Variants in RORB observed in about 807,000 individuals in gnomAD.
RORB encodes nuclear receptor ROR-beta.
Under a neutral mutation model 59.1 loss-of-function variants are expected in RORB, and 6 were observed. That is an observed-to-expected ratio of 0.10 (90% CI 0.06 to 0.20). The LOEUF (loss-of-function observed/expected upper bound fraction) is 0.20. Among genes scored for constraint, RORB ranks in the 10% least tolerant of loss-of-function variants. RORB has a pLI of 1.00. For missense variants in RORB, 320 were observed against 560.5 expected (o/e 0.57, Z 4.33); for synonymous variants, 215 against 204.5 (o/e 1.05, Z -0.44).
At chr9:74,571,615 A>G (rs1185074018) in intron 1 of RORB, among the ~76,000 whole-genome samples, 1 of 152,140 alleles carries the variant, frequency 6.6e-6, no homozygotes, top group South Asian at 2.1e-4. Flanking sequence ...AGAGCACCTA[A>G]TATTACTCAA....
chr9:74,657,334 G>C (rs1824100907), intron 4 of RORB, among the ~76,000 whole-genome samples: 1 of 152,084 alleles, frequency 6.6e-6, no homozygotes, highest in South Asian at 2.1e-4. Flanking sequence ...CAAAGGGCTG[G>C]GATTACAGGC....
At chr9:74,586,570 T>C (rs573339146) in intron 1 of RORB, among the ~76,000 whole-genome samples, 96 of 150,676 alleles carry the variant, frequency 6.4e-4, no homozygotes, top group African/African-American at 2.3e-3. Flanking sequence ...AACAATAAAA[T>C]CGTATGCAAA....
intron 1 of RORB, among the ~76,000 whole-genome samples, chr9:74,550,347 G>A (rs920710408): frequency 1.3e-5 from 2 of 152,146 alleles, no homozygotes; most frequent in African/African-American, 4.8e-5. Context: ...CTAAATGACT[G>A]TAATAAGTGG....
chr9:74,599,123 AT>A (rs1823016457), intron 1 of RORB, among the ~76,000 whole-genome samples: 1 of 152,184 alleles, frequency 6.6e-6, no homozygotes, highest in South Asian at 2.1e-4. Flanking sequence ...TTCAGCAAGA[AT>A]TTTGGTGGTG....
rs920916300 is a variant in RORB, at chr9:74,636,479, T to C, written c.235+1707T>C. Among the ~76,000 whole-genome samples the C allele has an allele frequency of 1.2e-4, 19 of 152,112 alleles. 1 individual carries two copies. Among genetic ancestry groups the C allele is most frequent in the Admixed American group, 1.2e-3 (18 of 15,272 alleles). ...GATTTAGTGACATCAGCCCACAAAATTTAGACGGTCTGAATCCCGTAACAT... is the reference window on the plus strand; with the variant it reads ...GATTTAGTGACATCAGCCCACAAAACTTAGACGGTCTGAATCCCGTAACAT... On this transcript the variant is annotated intron_variant, in intron 3 of 9. Coordinates refer to ENST00000376896, the MANE Select transcript of RORB (RefSeq NM_006914.4).
chr9:74,500,717 C>T (rs1233408169), intron 1 of RORB, among the ~76,000 whole-genome samples: 3 of 152,130 alleles, frequency 2.0e-5, no homozygotes, highest in East Asian at 1.9e-4. Context: ...CTACTCCTCC[C>T]CCGCCTAGGG....
At chr9:74,573,465 A>C (rs1380411633) in intron 1 of RORB, among the ~76,000 whole-genome samples, 1 of 3,712 alleles carries the variant, frequency 2.7e-4, no homozygotes, top group East Asian at 0.12. Context: ...TTTTGTTATT[A>C]AAAAAAAAAA....
intron 1 of RORB, among the ~76,000 whole-genome samples, chr9:74,558,670 AG>A (rs1484520781): frequency 6.7e-6 from 1 of 150,352 alleles, no homozygotes; most frequent in African/African-American, 2.4e-5. Context: ...AAGAAGAATA[AG>A]GACAAAGTGC....
chr9:74,621,050 C>G (rs1823409394), intron 1 of RORB, among the ~76,000 whole-genome samples: 1 of 152,100 alleles, frequency 6.6e-6, no homozygotes, highest in African/African-American at 2.4e-5. Flanking sequence ...TCACCAACCC[C>G]CCAGACACAA....
chr9:74,539,554 C>T (rs963696000), intron 1 of RORB, among the ~76,000 whole-genome samples: 15 of 152,114 alleles, frequency 9.9e-5, no homozygotes, highest in African/African-American at 3.4e-4. Flanking sequence ...TTTTAAAGTA[C>T]TGGGCTACAG....
chr9:74,527,088 A>C (rs1267676183), intron 1 of RORB, among the ~76,000 whole-genome samples: 1 of 152,036 alleles, frequency 6.6e-6, no homozygotes, highest in African/African-American at 2.4e-5. Flanking sequence ...CAAAAGACTC[A>C]TGAGAATTTA....
chr9:74,664,107 C>G (rs1824231554), intron 6 of RORB, among the ~76,000 whole-genome samples: 1 of 152,160 alleles, frequency 6.6e-6, no homozygotes, highest in South Asian at 2.1e-4. Context: ...ATCTGCCACA[C>G]TTGATATGTG....
chr9:74,627,320 G>A (rs1823536608), intron 1 of RORB, among the ~76,000 whole-genome samples: 1 of 152,020 alleles, frequency 6.6e-6, no homozygotes, highest in Non-Finnish European at 1.5e-5. Context: ...AAGTTAAAAT[G>A]GTCACAGATT....
At chr9:74,527,863 C>T (rs1256412086) in intron 1 of RORB, among the ~76,000 whole-genome samples, 4 of 151,916 alleles carry the variant, frequency 2.6e-5, no homozygotes, top group Non-Finnish European at 2.9e-5. Flanking sequence ...TCACCAGCAG[C>T]GTGTTTATAG....
At chr9:74,630,217 G>A in intron 1 of RORB, 65 bp from the exon 2 acceptor site, 1 of 1,586,436 alleles carries the variant, frequency 6.3e-7, no homozygotes, top group Non-Finnish European at 8.6e-7. Flanking sequence ...TGGGGAGAGA[G>A]ATAGGAAGAG....
chr9:74,627,634 A>G (rs1425564551), intron 1 of RORB, among the ~76,000 whole-genome samples: 2 of 152,174 alleles, frequency 1.3e-5, no homozygotes, highest in African/African-American at 2.4e-5. Context: ...GAACTTATAG[A>G]AGCAGATTCT....
intron 1 of RORB, among the ~76,000 whole-genome samples, chr9:74,585,624 C>G (rs1394976781): frequency 6.6e-6 from 1 of 152,158 alleles, no homozygotes; most frequent in Non-Finnish European, 1.5e-5. Flanking sequence ...TTATGAAGAA[C>G]AGCCTCATTG....
At chr9:74,528,269 G>T (rs1011256425) in intron 1 of RORB, among the ~76,000 whole-genome samples, 2 of 152,000 alleles carry the variant, frequency 1.3e-5, no homozygotes, top group East Asian at 1.9e-4. Context: ...TTAAAGTGCA[G>T]TTATTACTAG....
At chr9:74,517,484 G>T (rs1391395785) in intron 1 of RORB, among the ~76,000 whole-genome samples, 2 of 151,976 alleles carry the variant, frequency 1.3e-5, no homozygotes, top group Non-Finnish European at 2.9e-5. Flanking sequence ...TGCTTTCTCA[G>T]GCAGAACCTA....
Sources: allele counts gnomAD v4.1 joint callset (sites outside exome capture counted in the v4.1 genomes callset), GRCh38; gene constraint gnomAD v4.1.1; transcripts MANE v1.5; gene names NCBI Gene and HGNC (gene_info 2026-07-23, HGNC 2026-07-21).